The following SNTG1 variants were observed in gnomAD, a reference collection of about 807,000 sequenced individuals.
SNTG1 encodes the protein gamma-1-syntrophin.
A neutral mutation model predicts 74.7 loss-of-function variants in SNTG1; 39 were observed. That is an observed-to-expected ratio of 0.52 (90% confidence interval 0.40 to 0.68). SNTG1 has a LOEUF of 0.68. Ranked by LOEUF, SNTG1 falls within the 30% of genes least tolerant of loss-of-function variation. SNTG1 has a pLI of 0.00. For missense variants in SNTG1, 685 were observed against 609.5 expected (o/e 1.12, Z -1.30); for synonymous variants, 254 against 217.1 (o/e 1.17, Z -1.49).
intron 13 of SNTG1, among the ~76,000 whole-genome samples, chr8:50,616,924 C>G (rs1328563404): frequency 6.6e-6 from 1 of 152,194 alleles, no homozygotes; most frequent in Non-Finnish European, 1.5e-5. Context: ...CCCATCTACA[C>G]AACAGCTGCA....
intron 1 of SNTG1, among the ~76,000 whole-genome samples, chr8:50,132,221 A>T (rs187515829): frequency 6.6e-6 from 1 of 152,206 alleles, no homozygotes; most frequent in African/African-American, 2.4e-5. Flanking sequence ...AAAAAGTCAT[A>T]TAATTTTTTA....
chr8:50,729,878 A>T (rs573414678), intron 17 of SNTG1, among the ~76,000 whole-genome samples: 33 of 152,230 alleles, frequency 2.2e-4, no homozygotes, highest in African/African-American at 7.7e-4. Context: ...ATCACCTAGG[A>T]CTTCAACTGT....
intron 2 of SNTG1, among the ~76,000 whole-genome samples, chr8:50,390,264 G>A (rs930526807): frequency 4.6e-5 from 7 of 152,124 alleles, no homozygotes; most frequent in African/African-American, 1.7e-4. Flanking sequence ...TTTTGTATAA[G>A]GTATAAGGAA....
chr8:50,179,238 T>A (rs2083113481), intron 2 of SNTG1, among the ~76,000 whole-genome samples: 1 of 152,170 alleles, frequency 6.6e-6, no homozygotes, highest in African/African-American at 2.4e-5. Context: ...AGTCAGGAAA[T>A]ATGATACCCC....
At chr8:50,332,079 C>A (rs1171300196) in intron 2 of SNTG1, among the ~76,000 whole-genome samples, 1 of 152,178 alleles carries the variant, frequency 6.6e-6, no homozygotes, top group Non-Finnish European at 1.5e-5. Context: ...TTCTAAGCTT[C>A]TCTGACTCTC....
chr8:50,738,139 T>C (rs191457724), intron 17 of SNTG1, among the ~76,000 whole-genome samples: 2 of 152,246 alleles, frequency 1.3e-5, no homozygotes, highest in Non-Finnish European at 2.9e-5. Flanking sequence ...GCAGATGACA[T>C]GATTATATGT....
intron 13 of SNTG1, among the ~76,000 whole-genome samples, chr8:50,596,858 G>C (rs1372697281): frequency 6.6e-6 from 1 of 151,990 alleles, no homozygotes; most frequent in Non-Finnish European, 1.5e-5. Flanking sequence ...ACTGTATAAT[G>C]AGTCAATCAG....
At chr8:49,959,566 C>A (rs1207055967) in intron 1 of SNTG1, among the ~76,000 whole-genome samples, 2 of 152,202 alleles carry the variant, frequency 1.3e-5, no homozygotes, top group African/African-American at 4.8e-5. Flanking sequence ...TTGCAACTGA[C>A]ATTTTTACTT....
chr8:49,968,264 T>C (rs1464428927), intron 1 of SNTG1, among the ~76,000 whole-genome samples: 1 of 152,178 alleles, frequency 6.6e-6, no homozygotes, highest in Non-Finnish European at 1.5e-5. Context: ...AAGTCTCCAG[T>C]ACTTACCAAA....
chr8:49,925,456 G>C (rs908072518), intron 1 of SNTG1, among the ~76,000 whole-genome samples: 1 of 151,514 alleles, frequency 6.6e-6, no homozygotes, highest in Non-Finnish European at 1.5e-5. Context: ...CTGTCTGTCT[G>C]TCTGTCTGTC....
In SNTG1 at chr8:50,015,021, A is replaced by G. The variant is rs1290233594; in HGVS notation, c.-103+102790A>G. On this transcript the variant is annotated intron_variant, in intron 1 of 18. Transcript: ENST00000642720. ...AAGTATACCACATGCACAGAAAAAAAAAAAGCCAACAAAAAATGTCCTACA... is the reference window on the plus strand; with the variant it reads ...AAGTATACCACATGCACAGAAAAAAGAAAAGCCAACAAAAAATGTCCTACA... Among the ~76,000 whole-genome samples, 6 of 151,828 alleles carry G rather than the reference A, an allele frequency of 4.0e-5. No homozygotes were observed. The South Asian group carries it at 6.2e-4, about 16-fold the overall frequency.
chr8:50,763,888 CACACACACACACACACACA>C (rs1563817559), intron 18 of SNTG1, among the ~76,000 whole-genome samples: 4 of 118,712 alleles, frequency 3.4e-5, no homozygotes, highest in African/African-American at 1.6e-4. Context: ...CACACACACA[CACACACACACACACACACA>C]AAAATAACCA....
At chr8:49,979,160 T>A (rs556688860) in intron 1 of SNTG1, among the ~76,000 whole-genome samples, 2 of 152,310 alleles carry the variant, frequency 1.3e-5, no homozygotes, top group Non-Finnish European at 2.9e-5. Flanking sequence ...CTGTCCCTTA[T>A]GGCTTAGCAA....
intron 1 of SNTG1, among the ~76,000 whole-genome samples, chr8:50,074,573 C>A (rs997521294): frequency 4.6e-5 from 7 of 152,124 alleles, no homozygotes; most frequent in African/African-American, 1.7e-4. Context: ...TGTATATGGT[C>A]GTGATTTGTG....
chr8:50,202,714 T>C (rs2084034731), intron 2 of SNTG1, among the ~76,000 whole-genome samples: 1 of 152,086 alleles, frequency 6.6e-6, no homozygotes, highest in African/African-American at 2.4e-5. Context: ...AGAGTTAAAG[T>C]AAATTTACCC....
At chr8:49,963,410 A>G (rs971483659) in intron 1 of SNTG1, among the ~76,000 whole-genome samples, 11 of 151,902 alleles carry the variant, frequency 7.2e-5, no homozygotes, top group African/African-American at 2.7e-4. Context: ...TTCAATGTTC[A>G]TTTTCATACT....
chr8:50,141,034 C>T (rs1479192621), intron 1 of SNTG1, among the ~76,000 whole-genome samples: 1 of 152,174 alleles, frequency 6.6e-6, no homozygotes. Flanking sequence ...CACACCAGAC[C>T]CACTGGAACA....
chr8:50,173,118 T>A (rs186391155), intron 2 of SNTG1, among the ~76,000 whole-genome samples: 1 of 152,068 alleles, frequency 6.6e-6, no homozygotes. Context: ...CTATAAACTG[T>A]CACGTTCTCT....
chr8:50,403,035 T>G (rs956465072), intron 4 of SNTG1, among the ~76,000 whole-genome samples: 10 of 150,304 alleles, frequency 6.7e-5, no homozygotes, highest in Non-Finnish European at 1.5e-4. Context: ...TAAAAGACAT[T>G]ATCATAAGAC....
Sources: gnomAD v4.1 joint callset for allele counts (sites outside exome capture counted in the v4.1 genomes callset) on GRCh38, gnomAD v4.1.1 for gene constraint, MANE v1.5 for transcripts, NCBI Gene and HGNC (gene_info 2026-07-23, HGNC 2026-07-21) for gene names.